DPYD: variants seen among roughly 807,000 people sequenced by gnomAD.
DPYD encodes the protein dihydropyrimidine dehydrogenase, also known as dihydropyrimidine dehydrogenase [NADP(+)].
In DPYD, 109 loss-of-function variants were observed where a neutral mutation model predicts 116.2. That is an observed-to-expected ratio of 0.94 (90% CI 0.80 to 1.10). The LOEUF is 1.10. Among genes scored for constraint, DPYD ranks in the 50% least tolerant of loss-of-function variants. The pLI, the probability that DPYD is intolerant of heterozygous loss-of-function variation, is 0.00. For synonymous variants in DPYD, 440 were observed against 432.0 expected, an observed-to-expected ratio of 1.02 and a Z score of -0.23; for missense variants, 1,302 against 1,254.5, an observed-to-expected ratio of 1.04 and a Z score of -0.57.
intron 2 of DPYD, among the ~76,000 whole-genome samples, chr1:97,849,558 AG>A (rs1670472842): frequency 6.6e-6 from 1 of 151,592 alleles, no homozygotes; most frequent in Admixed American, 6.6e-5. Flanking sequence ...TGACTTGCCT[AG>A]GTTTCCTGAG....
chr1:97,793,466 CTG>C (rs1222499316), intron 3 of DPYD, among the ~76,000 whole-genome samples: 1 of 152,076 alleles, frequency 6.6e-6, no homozygotes. Context: ...TCAAGACTAA[CTG>C]TGAAGACAAT....
intron 14 of DPYD, 60 bp downstream of exon 14, chr1:97,449,999 T>C: frequency 6.2e-7 from 1 of 1,601,178 alleles, no homozygotes. Flanking sequence ...ATTGGATGTT[T>C]AAATAAACAT....
At chr1:97,125,841 T>C (rs1396711300) in intron 20 of DPYD, among the ~76,000 whole-genome samples, 1 of 152,094 alleles carries the variant, frequency 6.6e-6, no homozygotes, top group African/African-American at 2.4e-5. Flanking sequence ...TTGGAATAAA[T>C]TTCTGTGGTT....
At chr1:97,684,229 T>C (rs7515966) in intron 7 of DPYD, among the ~76,000 whole-genome samples, 9,504 of 152,228 alleles carry the variant, frequency 0.062, 332 homozygotes, top group Middle Eastern at 0.13. Context: ...TTCTGGTACA[T>C]TGTCTCTTTG....
chr1:97,275,385 T>G (rs1664870124), intron 18 of DPYD, among the ~76,000 whole-genome samples: 1 of 152,190 alleles, frequency 6.6e-6, no homozygotes, highest in Non-Finnish European at 1.5e-5. Flanking sequence ...AATTTTCTAC[T>G]GCAATAGGTA....
intron 8 of DPYD, among the ~76,000 whole-genome samples, chr1:97,653,261 A>C (rs1658696630): frequency 2.0e-5 from 3 of 152,038 alleles, no homozygotes; most frequent in Admixed American, 2.0e-4. Flanking sequence ...AATCAGGTAA[A>C]AGTGGCCTTT....
At chr1:97,898,309 G>A (rs1203819968) in intron 1 of DPYD, among the ~76,000 whole-genome samples, 1 of 151,760 alleles carries the variant, frequency 6.6e-6, no homozygotes, top group Non-Finnish European at 1.5e-5. Context: ...TTCTCTCTGA[G>A]CAGCTCTAGC....
At chr1:97,317,205 T>G (rs1667908317) in intron 16 of DPYD, among the ~76,000 whole-genome samples, 1 of 152,094 alleles carries the variant, frequency 6.6e-6, no homozygotes, top group Non-Finnish European at 1.5e-5. Context: ...ACAAAAAGGG[T>G]GTCATCCATA....
intron 5 of DPYD, among the ~76,000 whole-genome samples, chr1:97,719,165 CAA>C (rs1005459699): frequency 1.5e-4 from 7 of 48,194 alleles, no homozygotes; most frequent in Non-Finnish European, 2.7e-4. Context: ...CCAACCCTGC[CAA>C]AAAAAAAAAA....
chr1:97,690,037 A>G (rs1413014659), intron 7 of DPYD, among the ~76,000 whole-genome samples: 1 of 152,058 alleles, frequency 6.6e-6, no homozygotes, highest in Non-Finnish European at 1.5e-5. Context: ...CAAATGTACA[A>G]AATGTTGAAA....
At position 97,177,128 on chromosome 1, in the gene DPYD, C is replaced by G. The variant is rs80317731; in HGVS notation, c.2622+15941G>C. ...ACTATATTATTAATAACTGTTTAAG[C>G]GTTCTATTTCCACACAGTCTGTGAT... On this transcript the variant is annotated intron_variant, in intron 20 of 22. Transcript: ENST00000370192. Among the ~76,000 whole-genome samples, 61 of 151,994 alleles carry G rather than the reference C, an allele frequency of 4.0e-4. No homozygotes were observed. In the East Asian group the frequency reaches 0.011, roughly 28 times the overall value.
intron 20 of DPYD, among the ~76,000 whole-genome samples, chr1:97,148,924 T>C (rs1426341223): frequency 6.6e-6 from 1 of 152,218 alleles, no homozygotes; most frequent in African/African-American, 2.4e-5. Flanking sequence ...AGAAAATACC[T>C]GCATCACTCT....
At position 97,619,575 on chromosome 1, in the gene DPYD, G is replaced by C. The variant is rs2100767110; in HGVS notation, c.851-24409C>G. Among the ~76,000 whole-genome samples the C allele has an allele frequency of 1.3e-5, 2 of 152,216 alleles. 1 individual carries two copies. Among genetic ancestry groups the C allele is most frequent in the South Asian group, 4.1e-4 (2 of 4,824 alleles). Reference sequence around the variant, plus strand: ...CGCATCCACCCTTTTATCAATGCAAGGGAAACACCGGTTACAAAGTTAATG... The same window carrying C: ...CGCATCCACCCTTTTATCAATGCAACGGAAACACCGGTTACAAAGTTAATG... On this transcript the variant is annotated intron_variant, in intron 8 of 22. Coordinates refer to ENST00000370192, the MANE Select transcript of DPYD (RefSeq NM_000110.4).
At chr1:97,747,231 G>GA (rs1664607080) in intron 3 of DPYD, among the ~76,000 whole-genome samples, 1 of 151,972 alleles carries the variant, frequency 6.6e-6, no homozygotes, top group African/African-American at 2.4e-5. Context: ...ATGAATACCA[G>GA]AAAAAAATAC....
At chr1:97,814,577 A>C (rs1203766368) in intron 3 of DPYD, among the ~76,000 whole-genome samples, 1 of 152,050 alleles carries the variant, frequency 6.6e-6, no homozygotes, top group Non-Finnish European at 1.5e-5. Flanking sequence ...TGAGAGAGAA[A>C]ATTTTTTCCA....
chr1:97,088,795 A>C (rs1649701018), intron 21 of DPYD, among the ~76,000 whole-genome samples: 1 of 152,108 alleles, frequency 6.6e-6, no homozygotes, highest in African/African-American at 2.4e-5. Context: ...ATAAGACTTA[A>C]GGGATTATTT....
intron 3 of DPYD, among the ~76,000 whole-genome samples, chr1:97,788,729 A>G (rs757864114): frequency 9.9e-5 from 15 of 152,242 alleles, no homozygotes; most frequent in Non-Finnish European, 1.9e-4. Flanking sequence ...AAAGGACAGA[A>G]AGGCAATTCC....
intron 19 of DPYD, among the ~76,000 whole-genome samples, chr1:97,222,066 A>G (rs1226244384): frequency 6.6e-6 from 1 of 152,162 alleles, no homozygotes; most frequent in Admixed American, 6.6e-5. Flanking sequence ...CAATGTTTAG[A>G]AAGTAATATG....
At chr1:97,269,451 T>C (rs1371682362) in intron 18 of DPYD, among the ~76,000 whole-genome samples, 1 of 152,192 alleles carries the variant, frequency 6.6e-6, no homozygotes, top group South Asian at 2.1e-4. Context: ...ATTTCCACAT[T>C]TTCAGATATT....
Sources: gnomAD v4.1 joint callset for allele counts (sites outside exome capture counted in the v4.1 genomes callset) on GRCh38, gnomAD v4.1.1 for gene constraint, MANE v1.5 for transcripts, NCBI Gene and HGNC (gene_info 2026-07-23, HGNC 2026-07-21) for gene names.